Variants in KHDRBS2 observed in about 807,000 individuals in gnomAD.
KHDRBS2 encodes the protein KH domain-containing, RNA-binding, signal transduction-associated protein 2.
KHDRBS2 carries 26 observed loss-of-function variants against 44.3 expected under a neutral mutation model. The observed-to-expected ratio is 0.59, with a 90% confidence interval of 0.43 to 0.81. The LOEUF (loss-of-function observed/expected upper bound fraction) is 0.81. KHDRBS2 is among the 40% of genes least tolerant of loss of function. The probability of loss-of-function intolerance (pLI) is 0.00; values close to 1 mark genes in which losing one functional copy is unlikely to be tolerated. For synonymous variants in KHDRBS2, 194 were observed against 151.1 expected (o/e 1.28, Z -2.08); for missense variants, 476 against 433.1 (o/e 1.10, Z -0.88).
At chr6:61,958,325 A>G (rs1033792968) in intron 4 of KHDRBS2, among the ~76,000 whole-genome samples, 1 of 152,152 alleles carries the variant, frequency 6.6e-6, no homozygotes, top group African/African-American at 2.4e-5. Context: ...GAAGAGGAGT[A>G]GGTTCCCCTC....
chr6:62,115,827 T>C (rs765289303), intron 2 of KHDRBS2, among the ~76,000 whole-genome samples: 5 of 151,960 alleles, frequency 3.3e-5, no homozygotes, highest in African/African-American at 1.2e-4. Flanking sequence ...TAAAGAGATA[T>C]GAGAAATCAT....
the KHDRBS2 span, among the ~76,000 whole-genome samples, chr6:61,617,338 T>C: frequency 6.6e-6 from 1 of 152,186 alleles, no homozygotes. Context: ...GCACTCTGGG[T>C]AACAATTTTG....
At chr6:62,054,871 G>A (rs1420740322) in intron 2 of KHDRBS2, among the ~76,000 whole-genome samples, 1 of 152,026 alleles carries the variant, frequency 6.6e-6, no homozygotes, top group Non-Finnish European at 1.5e-5. Context: ...AGTTTGTGGT[G>A]ATTGTTATAG....
intron 1 of KHDRBS2, among the ~76,000 whole-genome samples, chr6:62,225,285 G>A (rs1299275443): frequency 6.6e-6 from 1 of 152,032 alleles, no homozygotes; most frequent in Non-Finnish European, 1.5e-5. Flanking sequence ...TTTCTGTCAG[G>A]TTTTCTAGAT....
the KHDRBS2 span, among the ~76,000 whole-genome samples, chr6:61,596,002 G>A: frequency 6.6e-6 from 1 of 152,130 alleles, no homozygotes; most frequent in Non-Finnish European, 1.5e-5. Flanking sequence ...GTGAAAGGCA[G>A]GACCCACCTG....
rs531931082 is a variant in KHDRBS2 at position 61,828,774 on chromosome 6, C to T, written c.810+65861G>A. 5.9e-5 allele frequency among the ~76,000 whole-genome samples: 9 copies of T among 152,232 alleles called. No individual in the cohort carries two copies. In the South Asian group the frequency reaches 8.3e-4, roughly 14 times the overall value. On this transcript the variant is annotated intron_variant, in intron 6 of 8. Coordinates refer to ENST00000281156, the MANE Select transcript of KHDRBS2 (RefSeq NM_152688.4). ...GATTTTACACTGACCATCATAAGAC[C>T]TTTGATGGCAGATACAATATTTTAT...
intron 2 of KHDRBS2, among the ~76,000 whole-genome samples, chr6:62,053,602 T>C (rs73487223): frequency 0.023 from 3,457 of 152,028 alleles, 135 homozygotes; most frequent in African/African-American, 0.08. Flanking sequence ...TCACATCATC[T>C]GAAAAACAAA....
chr6:61,649,001 G>C, the KHDRBS2 span, among the ~76,000 whole-genome samples: 21 of 152,190 alleles, frequency 1.4e-4, no homozygotes, highest in East Asian at 3.9e-3. Context: ...AGGGGATTTT[G>C]TGGTTGATCA....
intron 2 of KHDRBS2, among the ~76,000 whole-genome samples, chr6:62,110,608 C>CA (rs1404683079): frequency 6.6e-6 from 1 of 151,962 alleles, no homozygotes; most frequent in African/African-American, 2.4e-5. Flanking sequence ...TCCTCTCTCC[C>CA]AAAAAACCCA....
At chr6:62,017,067 C>T (rs939152243) in intron 3 of KHDRBS2, among the ~76,000 whole-genome samples, 13 of 152,202 alleles carry the variant, frequency 8.5e-5, no homozygotes, top group African/African-American at 2.4e-4. Flanking sequence ...TTCCTCATCG[C>T]TGGTTTTGTT....
the KHDRBS2 span, among the ~76,000 whole-genome samples, chr6:61,590,002 G>T: frequency 3.2e-4 from 48 of 152,072 alleles, no homozygotes; most frequent in Non-Finnish European, 4.6e-4. Flanking sequence ...GGGACTCTTG[G>T]ATGTGGTTAA....
At chr6:62,277,070 A>G (rs1841052681) in intron 1 of KHDRBS2, among the ~76,000 whole-genome samples, 2 of 152,190 alleles carry the variant, frequency 1.3e-5, no homozygotes, top group South Asian at 4.1e-4. Flanking sequence ...AGATGATGAT[A>G]ATGGTAATAA....
At chr6:62,239,523 A>G (rs1834241573) in intron 1 of KHDRBS2, among the ~76,000 whole-genome samples, 2 of 152,130 alleles carry the variant, frequency 1.3e-5, no homozygotes, top group South Asian at 2.1e-4. Context: ...CCGTGAGCCA[A>G]GATCACGCTG....
the KHDRBS2 span, among the ~76,000 whole-genome samples, chr6:61,661,122 T>A: frequency 6.6e-6 from 1 of 151,824 alleles, no homozygotes; most frequent in Non-Finnish European, 1.5e-5. Context: ...AGTTTCTCAC[T>A]GGTTTGACAT....
At chr6:61,769,839 T>A (rs1399605826) in intron 6 of KHDRBS2, among the ~76,000 whole-genome samples, 2 of 152,176 alleles carry the variant, frequency 1.3e-5, no homozygotes, top group Non-Finnish European at 2.9e-5. Context: ...AAGAGAGTAG[T>A]GGTTCTCCCA....
chr6:62,025,667 G>A (rs1783174018), intron 3 of KHDRBS2, among the ~76,000 whole-genome samples: 1 of 151,824 alleles, frequency 6.6e-6, no homozygotes, highest in African/African-American at 2.4e-5. Context: ...TATCAGGGTT[G>A]AAATTTGGTG....
intron 6 of KHDRBS2, among the ~76,000 whole-genome samples, chr6:61,885,633 A>G (rs181454198): frequency 1.7e-4 from 26 of 152,298 alleles, no homozygotes; most frequent in Admixed American, 1.0e-3. Context: ...AACCCAAACT[A>G]AATGAATTTC....
chr6:61,915,757 C>T (rs1292801509), intron 4 of KHDRBS2, among the ~76,000 whole-genome samples: 9 of 151,942 alleles, frequency 5.9e-5, no homozygotes, highest in Non-Finnish European at 5.9e-5. Flanking sequence ...GAGTTTTATG[C>T]TTTGGTTTGT....
chr6:62,220,458 G>A (rs1830723374), intron 1 of KHDRBS2, among the ~76,000 whole-genome samples: 1 of 151,854 alleles, frequency 6.6e-6, no homozygotes. Context: ...ATAAGTGTAT[G>A]TATGTATGCA....
Sources: gnomAD v4.1 joint callset for allele counts (sites outside exome capture counted in the v4.1 genomes callset) on GRCh38, gnomAD v4.1.1 for gene constraint, MANE v1.5 for transcripts, NCBI Gene and HGNC (gene_info 2026-07-23, HGNC 2026-07-21) for gene names.